ESR1: variants seen among roughly 807,000 people sequenced by gnomAD.
ESR1 encodes the protein estrogen receptor 1.
A neutral mutation model predicts 52.7 loss-of-function variants in ESR1; 12 were observed. The observed-to-expected ratio is 0.23, with a 90% CI of 0.15 to 0.37. ESR1 has a LOEUF of 0.37. Ranked by LOEUF, ESR1 falls within the 10% of genes least tolerant of loss-of-function variation. The pLI is 1.00. For missense variants in ESR1, 584 were observed against 779.7 expected, an observed-to-expected ratio of 0.75 and a Z score of 2.99; for synonymous variants, 305 against 316.8, an observed-to-expected ratio of 0.96 and a Z score of 0.39.
In ESR1 at chr6:152,101,211, A is replaced by G. The variant is rs1385833580; in HGVS notation, c.*2245A>G. Reference sequence around the variant, plus strand: ...CCTATTGTTGGATACTGAATGACAGACAATCTTATGTAGCAAAGATTATGC... The same window carrying G: ...CCTATTGTTGGATACTGAATGACAGGCAATCTTATGTAGCAAAGATTATGC... On this transcript the variant is annotated 3_prime_UTR_variant, in exon 8 of 8. Transcript: ENST00000206249. 3 of 231,940 alleles carry G rather than the reference A, an allele frequency of 1.3e-5. No individual in the cohort carries two copies. Among genetic ancestry groups the G allele is most frequent in the African/African-American group, 6.6e-5 (3 of 45,254 alleles). 14.4% of individuals were successfully genotyped at this position (231,940 alleles called of 1,614,324 possible).
chr6:151,791,779 A>G (rs1005173823), intron 2 of ESR1, among the ~76,000 whole-genome samples: 7 of 152,352 alleles, frequency 4.6e-5, no homozygotes, highest in East Asian at 1.9e-4. Context: ...TCTATATTTC[A>G]GATAGTATAA....
At chr6:151,846,542 T>C (rs1212390017) in intron 2 of ESR1, among the ~76,000 whole-genome samples, 1 of 152,214 alleles carries the variant, frequency 6.6e-6, no homozygotes, top group African/African-American at 2.4e-5. Context: ...GCCGCAGCTC[T>C]CCCTGTTTTC....
At chr6:151,884,088 T>C (rs1457648103) in intron 3 of ESR1, among the ~76,000 whole-genome samples, 2 of 152,220 alleles carry the variant, frequency 1.3e-5, no homozygotes, top group African/African-American at 4.8e-5. Context: ...TCTTTACATG[T>C]AAGGAAAACA....
intron 5 of ESR1, 35 bp from the exon 6 acceptor site, chr6:152,060,956 T>G (rs1562738981): frequency 1.4e-6 from 2 of 1,478,330 alleles, no homozygotes; most frequent in Admixed American, 2.0e-5. Context: ...TTTAATCTTT[T>G]TATTTATTTA....
chr6:151,726,783 A>G (rs1361547553), intron 2 of ESR1, among the ~76,000 whole-genome samples: 2 of 152,180 alleles, frequency 1.3e-5, no homozygotes, highest in Non-Finnish European at 2.9e-5. Flanking sequence ...TGGATTTTCC[A>G]AATATACAAC....
At chr6:152,013,385 T>C (rs2042932274) in intron 5 of ESR1, among the ~76,000 whole-genome samples, 1 of 152,096 alleles carries the variant, frequency 6.6e-6, no homozygotes, top group Non-Finnish European at 1.5e-5. Context: ...CATGTTTAGG[T>C]TTTTGGACAT....
At chr6:151,822,992 C>T (rs148759043) in intron 1 of ESR1, among the ~76,000 whole-genome samples, 259 of 152,310 alleles carry the variant, frequency 1.7e-3, no homozygotes, top group African/African-American at 6.1e-3. Context: ...ATCTCTGCTG[C>T]CTTCTCTTAG....
intron 1 of ESR1, among the ~76,000 whole-genome samples, chr6:151,670,065 G>C (rs1293953): frequency 0.28 from 42,715 of 152,016 alleles, 6,644 homozygotes; most frequent in East Asian, 0.41. Context: ...TCCTCCAAAG[G>C]CCACCAGGGC....
At position 152,122,245 on chromosome 6, in the gene ESR1, T is replaced by C. The variant is rs567194577; in HGVS notation, c.851-3021T>C. 679 of 822,676 alleles carry C rather than the reference T, an allele frequency of 8.3e-4. 4 individuals carry two copies. Among genetic ancestry groups the C allele is most frequent in the South Asian group, 4.5e-3 (268 of 59,628 alleles). The allele number at this position is 822,676 out of a possible 1,614,324, so 51.0% of individuals were successfully genotyped here. On this transcript the variant is annotated intron_variant, in intron 6 of 6. Transcript: ENST00000427531. ...TCTTCCAAACCTTCTTGTTGTCTGT[T>C]TGTTCCCCCGTCACTGTTTATCTTC... is the stretch of plus-strand genomic sequence containing the variant.
At chr6:151,931,030 A>G (rs1203607463) in intron 3 of ESR1, among the ~76,000 whole-genome samples, 2 of 151,866 alleles carry the variant, frequency 1.3e-5, no homozygotes, top group Admixed American at 1.3e-4. Flanking sequence ...TTTTGTAAGG[A>G]GTGGCATGTA....
At chr6:152,120,999 A>G (rs1490110788) in intron 6 of ESR1, among the ~76,000 whole-genome samples, 5 of 152,248 alleles carry the variant, frequency 3.3e-5, no homozygotes, top group East Asian at 1.9e-4. Flanking sequence ...CTCTCCCCCA[A>G]TTCTGGAAGG....
At chr6:151,885,154 G>A (rs1449281996) in intron 3 of ESR1, among the ~76,000 whole-genome samples, 1 of 152,052 alleles carries the variant, frequency 6.6e-6, no homozygotes, top group Non-Finnish European at 1.5e-5. Flanking sequence ...TTTGTGTAGG[G>A]CTTCTTATAT....
At chr6:151,685,020 A>G (rs1200717855) in intron 1 of ESR1, among the ~76,000 whole-genome samples, 1 of 151,566 alleles carries the variant, frequency 6.6e-6, no homozygotes, top group Non-Finnish European at 1.5e-5. Context: ...TTTCACTAAA[A>G]TTCCGGAGTT....
intron 3 of ESR1, among the ~76,000 whole-genome samples, chr6:151,894,716 T>C (rs1795204920): frequency 6.6e-6 from 1 of 152,234 alleles, no homozygotes; most frequent in African/African-American, 2.4e-5. Context: ...GGTTTATTTC[T>C]CGGTTCTCTA....
chr6:151,719,602 G>A (rs1781311897), intron 2 of ESR1, among the ~76,000 whole-genome samples: 1 of 152,156 alleles, frequency 6.6e-6, no homozygotes, highest in Admixed American at 6.5e-5. Flanking sequence ...ACTGCTTTTT[G>A]ATTGGGGAGT....
intron 6 of ESR1, among the ~76,000 whole-genome samples, chr6:152,120,218 AC>A (rs1480466525): frequency 6.6e-6 from 1 of 152,030 alleles, no homozygotes; most frequent in Non-Finnish European, 1.5e-5. Flanking sequence ...GGATTTCCAT[AC>A]CCCCTGAAGG....
intron 6 of ESR1, among the ~76,000 whole-genome samples, chr6:152,083,971 A>G (rs1255126218): frequency 6.6e-6 from 1 of 152,188 alleles, no homozygotes; most frequent in Non-Finnish European, 1.5e-5. Context: ...ACACATGCAC[A>G]CATATGTTTA....
chr6:151,844,479 G>C (rs1784804540), intron 2 of ESR1, among the ~76,000 whole-genome samples: 1 of 152,122 alleles, frequency 6.6e-6, no homozygotes, highest in African/African-American at 2.4e-5. Flanking sequence ...AGCAGTGGTT[G>C]GCAAAGTTTT....
chr6:152,119,222 A>G (rs548203571), intron 6 of ESR1, among the ~76,000 whole-genome samples: 5 of 152,118 alleles, frequency 3.3e-5, no homozygotes, highest in Admixed American at 2.0e-4. Flanking sequence ...CTATCAATCA[A>G]TCTACTCTAA....
Sources: gnomAD v4.1 joint callset for allele counts (sites outside exome capture counted in the v4.1 genomes callset) on GRCh38, gnomAD v4.1.1 for gene constraint, MANE v1.5 for transcripts, NCBI Gene and HGNC (gene_info 2026-07-23, HGNC 2026-07-21) for gene names.